SRGAP2: variants seen among roughly 807,000 people sequenced by gnomAD.
The protein encoded by SRGAP2 is SLIT-ROBO Rho GTPase-activating protein 2.
Under a neutral mutation model 57.2 loss-of-function variants are expected in SRGAP2, and 15 were observed. The ratio of observed to expected loss-of-function variants is 0.26; its 90% CI spans 0.18 to 0.40. SRGAP2 has a LOEUF of 0.40. Among genes scored for constraint, SRGAP2 ranks in the 10% least tolerant of loss-of-function variants. SRGAP2 has a pLI of 1.00. For missense variants in SRGAP2, 520 were observed against 669.6 expected, an observed-to-expected ratio of 0.78 and a Z score of 2.47; for synonymous variants, 249 against 248.0, an observed-to-expected ratio of 1.00 and a Z score of -0.04.
intron 4 of SRGAP2, among the ~76,000 whole-genome samples, chr1:206,347,542 A>G (rs1260545937): frequency 2.0e-5 from 3 of 150,806 alleles, no homozygotes; most frequent in African/African-American, 7.4e-5. Context: ...ATGCTGTTGC[A>G]CTTCAGTCTA....
chr1:206,390,975 A>G (rs1656883106), intron 5 of SRGAP2, among the ~76,000 whole-genome samples: 1 of 152,198 alleles, frequency 6.6e-6, no homozygotes, highest in Admixed American at 6.5e-5. Context: ...AGCTGATCGT[A>G]GGGGCTAGAT....
chr1:206,415,042 C>T (rs1462043903), intron 10 of SRGAP2, among the ~76,000 whole-genome samples: 3 of 152,156 alleles, frequency 2.0e-5, no homozygotes, highest in Admixed American at 6.5e-5. Context: ...AACTGTTTGA[C>T]CTTGAGCAAC....
intron 3 of SRGAP2, among the ~76,000 whole-genome samples, chr1:206,304,906 G>A (rs1334887046): frequency 1.1e-4 from 17 of 148,670 alleles, no homozygotes; most frequent in Admixed American, 1.1e-3. Context: ...GACTGCAGGT[G>A]TGCACCATCA....
intron 3 of SRGAP2, among the ~76,000 whole-genome samples, chr1:206,311,472 A>C (rs1324442087): frequency 6.6e-6 from 1 of 152,182 alleles, no homozygotes; most frequent in Non-Finnish European, 1.5e-5. Context: ...AATACAGTTG[A>C]GACAATGGAG....
chr1:206,356,893 T>C (rs1158196670), intron 4 of SRGAP2, among the ~76,000 whole-genome samples: 2 of 147,110 alleles, frequency 1.4e-5, no homozygotes, highest in Non-Finnish European at 3.0e-5. Flanking sequence ...TTTGTTTTCT[T>C]TTTTTTTTTC....
intron 2 of SRGAP2, among the ~76,000 whole-genome samples, chr1:206,283,369 A>G (rs1240916344): frequency 1.3e-5 from 2 of 151,658 alleles, no homozygotes; most frequent in Admixed American, 6.6e-5. Flanking sequence ...GTATTTCCCA[A>G]CATTTAAAAA....
At chr1:206,346,802 G>A (rs1675665085) in intron 4 of SRGAP2, among the ~76,000 whole-genome samples, 1 of 152,102 alleles carries the variant, frequency 6.6e-6, no homozygotes, top group African/African-American at 2.4e-5. Flanking sequence ...TATGATAATA[G>A]AAGTCATTAT....
chr1:206,241,862 C>T (rs1668250003), intron 2 of SRGAP2, among the ~76,000 whole-genome samples: 1 of 150,664 alleles, frequency 6.6e-6, no homozygotes, highest in Non-Finnish European at 1.5e-5. Context: ...AAAAGGTGAC[C>T]CAAATTACTT....
intron 21 of SRGAP2, 69 bp downstream of exon 21, chr1:206,455,093 A>AC: frequency 1.3e-6 from 1 of 776,432 alleles, no homozygotes. Context: ...CTCTGGCCTA[A>AC]CCCCCATCTC....
At chr1:206,337,062 T>C (rs1302328041) in intron 3 of SRGAP2, among the ~76,000 whole-genome samples, 5 of 143,328 alleles carry the variant, frequency 3.5e-5, no homozygotes, top group Non-Finnish European at 7.4e-5. Flanking sequence ...CATCTCTCTA[T>C]GCAGATTGGC....
intron 14 of SRGAP2, among the ~76,000 whole-genome samples, chr1:206,430,434 T>A (rs1163941773): frequency 6.6e-6 from 1 of 152,240 alleles, no homozygotes; most frequent in Non-Finnish European, 1.5e-5. Flanking sequence ...ACAAAATGCC[T>A]CAGCCACTTA....
At chr1:206,322,493 T>C (rs1186996855) in intron 3 of SRGAP2, among the ~76,000 whole-genome samples, 5 of 147,022 alleles carry the variant, frequency 3.4e-5, no homozygotes, top group African/African-American at 1.3e-4. Flanking sequence ...GGCAGGAGAA[T>C]GGGGTGAACC....
chr1:206,448,240 T>C (rs1196979801), intron 18 of SRGAP2, among the ~76,000 whole-genome samples: 2 of 151,932 alleles, frequency 1.3e-5, no homozygotes, highest in African/African-American at 4.8e-5. Flanking sequence ...CAAACAGCCA[T>C]GGAAAGGAGA....
chr1:206,351,932 A>G (rs1271394106), intron 4 of SRGAP2, among the ~76,000 whole-genome samples: 1 of 152,170 alleles, frequency 6.6e-6, no homozygotes, highest in Non-Finnish European at 1.5e-5. Context: ...GTTCTTAGGT[A>G]TCTACCTTTT....
chr1:206,321,030 AGTT>A (rs1673423667), intron 3 of SRGAP2, among the ~76,000 whole-genome samples: 1 of 144,094 alleles, frequency 6.9e-6, no homozygotes, highest in Non-Finnish European at 1.5e-5. Context: ...AGATTTTACC[AGTT>A]GTTCTAAAAA....
At chr1:206,298,317 A>T (rs1482332568) in intron 2 of SRGAP2, among the ~76,000 whole-genome samples, 1 of 151,844 alleles carries the variant, frequency 6.6e-6, no homozygotes, top group Non-Finnish European at 1.5e-5. Context: ...GGCAGCTTCC[A>T]AGATTTGCTT....
At chr1:206,325,810 A>G (rs1246435173) in intron 3 of SRGAP2, among the ~76,000 whole-genome samples, 1 of 152,170 alleles carries the variant, frequency 6.6e-6, no homozygotes, top group Non-Finnish European at 1.5e-5. Flanking sequence ...TGGTGTGCAT[A>G]AAATTACCTG....
chr1:206,289,534 C>T (rs1483233469), intron 2 of SRGAP2, among the ~76,000 whole-genome samples: 3 of 151,920 alleles, frequency 2.0e-5, no homozygotes, highest in Admixed American at 6.6e-5. Flanking sequence ...GCCTTGGCCT[C>T]CCAAAGCGCT....
rs1430439333 is a variant in SRGAP2, at chr1:206,463,744, C to T, written c.*2324C>T. On this transcript the variant is annotated 3_prime_UTR_variant, in exon 23 of 23. Transcript: ENST00000573034. Reference sequence around the variant, plus strand: ...TTCCCCATCTCTGGTGCTCCTAACACCTGTGAGATGGTCCTGTCGAGAGGA... The same window carrying T: ...TTCCCCATCTCTGGTGCTCCTAACATCTGTGAGATGGTCCTGTCGAGAGGA... 6.6e-6 allele frequency: 1 copy of T among 152,642 alleles called. No individual in the cohort carries two copies. Among genetic ancestry groups the T allele is most frequent in the Non-Finnish European group, 1.5e-5 (1 of 68,046 alleles). The allele number at this position is 152,642 out of a possible 1,614,324, so 9.5% of individuals were successfully genotyped here.
Sources: allele counts gnomAD v4.1 joint callset (sites outside exome capture counted in the v4.1 genomes callset), GRCh38; gene constraint gnomAD v4.1.1; transcripts MANE v1.5; gene names NCBI Gene and HGNC (gene_info 2026-07-23, HGNC 2026-07-21).